FGD5: variants seen among roughly 807,000 people sequenced by gnomAD.
The protein encoded by FGD5 is FYVE, RhoGEF and PH domain-containing protein 5.
A neutral mutation model predicts 133.4 loss-of-function variants in FGD5; 28 were observed. The ratio of observed to expected loss-of-function variants is 0.21; its 90% CI spans 0.16 to 0.29. The LOEUF (loss-of-function observed/expected upper bound fraction) is 0.29. Among genes scored for constraint, FGD5 ranks in the 10% least tolerant of loss-of-function variants. FGD5 has a pLI of 1.00. For synonymous variants in FGD5, 810 were observed against 776.5 expected, an observed-to-expected ratio of 1.04 and a Z score of -0.72; for missense variants, 1,858 against 1,895.2, an observed-to-expected ratio of 0.98 and a Z score of 0.36.
Position 14,934,016 on chromosome 3 carries a change from T to C in FGD5, c.*849T>C, listed in dbSNP as rs2038941413. 2 of 152,278 alleles carry C rather than the reference T, an allele frequency of 1.3e-5. No individual in the cohort carries two copies. Among genetic ancestry groups the C allele is most frequent in the Admixed American group, 1.3e-4 (2 of 15,284 alleles). The allele number at this position is 152,278 out of a possible 1,614,324, so 9.4% of individuals were successfully genotyped here. A position where few individuals can be genotyped will look rare whatever the true frequency, so the allele number is the denominator to read the frequency against. On this transcript the variant is annotated 3_prime_UTR_variant, in exon 20 of 20. Coordinates refer to ENST00000285046, the MANE Select transcript of FGD5 (RefSeq NM_152536.4). ...GCCTCTGAAGAGTCAAGGTCTGCTT[T>C]AATTTATTGTGTGCCTTTCTGTGTT...
upstream of FGD5, among the ~76,000 whole-genome samples, chr3:14,810,694 C>T (rs2125061197): frequency 6.8e-6 from 1 of 146,394 alleles, no homozygotes; most frequent in East Asian, 2.0e-4. Context: ...CCCCACTGCC[C>T]TGCGCGCCGC....
chr3:14,829,198 G>C (rs1433550344), intron 1 of FGD5, among the ~76,000 whole-genome samples: 4 of 152,160 alleles, frequency 2.6e-5, no homozygotes, highest in Admixed American at 2.6e-4. Flanking sequence ...GGAGTGTTCA[G>C]CTGGAGCTTA....
chr3:14,868,637 G>C (rs2037544550), intron 2 of FGD5, among the ~76,000 whole-genome samples: 1 of 152,216 alleles, frequency 6.6e-6, no homozygotes, highest in African/African-American at 2.4e-5. Context: ...GGGCCCCGGG[G>C]AAGGGGCTCT....
intron 6 of FGD5, 150 bp downstream of exon 6, chr3:14,898,245 C>T (rs557478420): frequency 1.0e-5 from 11 of 1,057,634 alleles, no homozygotes; most frequent in Admixed American, 2.3e-5. Flanking sequence ...GAGGATGACC[C>T]ATCAGGGAGG....
At chr3:14,889,385 C>T (rs2037983428) in intron 4 of FGD5, among the ~76,000 whole-genome samples, 1 of 152,180 alleles carries the variant, frequency 6.6e-6, no homozygotes. Flanking sequence ...TTTAGCTCAA[C>T]AGTCTGTGAG....
At chr3:14,898,438 C>T (rs1469756311) in intron 6 of FGD5, among the ~76,000 whole-genome samples, 5 of 152,134 alleles carry the variant, frequency 3.3e-5, no homozygotes, top group Non-Finnish European at 7.4e-5. Flanking sequence ...ATCTAGTTTT[C>T]CTGGGCAGAA....
intron 6 of FGD5, among the ~76,000 whole-genome samples, 199 bp from the exon 7 acceptor site, chr3:14,898,540 A>T (rs1415225520): frequency 1.3e-5 from 2 of 151,894 alleles, no homozygotes; most frequent in Non-Finnish European, 1.5e-5. Context: ...TGGGAGCATG[A>T]TGGAGTGAGC....
intron 1 of FGD5, among the ~76,000 whole-genome samples, chr3:14,827,869 G>C (rs1021627514): frequency 6.6e-6 from 1 of 152,266 alleles, no homozygotes; most frequent in Admixed American, 6.5e-5. Context: ...ACCCGCCCGG[G>C]GCAGCAGCTC....
intron 4 of FGD5, among the ~76,000 whole-genome samples, chr3:14,894,784 A>G (rs2038101466): frequency 6.6e-6 from 1 of 151,094 alleles, no homozygotes; most frequent in South Asian, 2.1e-4. Context: ...GTGTTTTAGG[A>G]ACCTTCATAC....
At chr3:14,870,523 G>T (rs1413570110) in intron 2 of FGD5, among the ~76,000 whole-genome samples, 1 of 152,100 alleles carries the variant, frequency 6.6e-6, no homozygotes, top group Non-Finnish European at 1.5e-5. Context: ...CTCTTCCCTG[G>T]GCTTGCCTGA....
chr3:14,921,619 GCA>G (rs774393976), intron 13 of FGD5, among the ~76,000 whole-genome samples: 1 of 152,170 alleles, frequency 6.6e-6, no homozygotes, highest in Non-Finnish European at 1.5e-5. Context: ...TCTTGCTTTT[GCA>G]CAATGTTGAC....
chr3:14,873,734 C>T (rs28377092), intron 2 of FGD5, among the ~76,000 whole-genome samples: 14,894 of 142,006 alleles, frequency 0.1, 856 homozygotes, highest in East Asian at 0.26. Context: ...TTTTTTTTTT[C>T]TTTTTTTTTT....
intron 1 of FGD5, among the ~76,000 whole-genome samples, chr3:14,822,489 G>GTTT (rs11290454): frequency 4.0e-4 from 57 of 142,366 alleles, no homozygotes; most frequent in African/African-American, 1.4e-3. Flanking sequence ...ATCCAAGCTT[G>GTTT]TTTTTTTTTT....
rs762092474 is a variant in FGD5, at chr3:14,820,074, A to T, written c.1003A>T (p.Met335Leu). 1.9e-6 allele frequency: 3 copies of T among 1,614,012 alleles called. No homozygotes were observed. In the South Asian group the frequency reaches 3.3e-5, roughly 18 times the overall value. Residue 335 changes from methionine (M) to leucine (L), a missense_variant, in exon 1 of 20, where the codon ATG (methionine) becomes TTG (leucine). Coordinates refer to ENST00000285046, the MANE Select transcript of FGD5 (RefSeq NM_152536.4). ...CQIVPFENDC[M>L]EDFVTSLTGS... is the part of the protein sequence containing the mutation. Reference sequence around the variant, plus strand: ...GATTGTCCCTTTTGAGAATGACTGCATGGAGGACTTCGTGACTTCCCTCAC... The same window carrying T: ...GATTGTCCCTTTTGAGAATGACTGCTTGGAGGACTTCGTGACTTCCCTCAC...
chr3:14,915,940 G>A (rs1215535885), intron 11 of FGD5, among the ~76,000 whole-genome samples: 1 of 151,998 alleles, frequency 6.6e-6, no homozygotes, highest in Non-Finnish European at 1.5e-5. Flanking sequence ...GCTGATGTTG[G>A]CATCATTTGT....
intron 9 of FGD5, among the ~76,000 whole-genome samples, chr3:14,904,237 C>T (rs190740716): frequency 2.6e-5 from 4 of 152,222 alleles, no homozygotes; most frequent in African/African-American, 7.2e-5. Context: ...TTCTTAGGAG[C>T]GGGGGGTTAT....
chr3:14,892,550 G>A (rs916264459), intron 4 of FGD5, among the ~76,000 whole-genome samples: 67 of 152,292 alleles, frequency 4.4e-4, no homozygotes, highest in African/African-American at 1.6e-3. Flanking sequence ...GGGCGCGGTG[G>A]CTCATGCCTG....
At position 14,921,934 on chromosome 3, in the gene FGD5, G is replaced by A; in HGVS notation, c.3586G>A (p.Asp1196Asn). 6.4e-7 allele frequency: 1 copy of A among 1,569,172 alleles called. No homozygotes were observed. The highest frequency in any genetic ancestry group is 8.6e-7 in the Non-Finnish European group (1 of 1,156,962). Residue 1196 changes from aspartate to asparagine, a missense_variant, in exon 14 of 20, where the codon GAC becomes AAC. Transcript: ENST00000285046. The part of the protein sequence containing the change: ...MLSASSCAER[D>N]EWYGCLSRAL... ...TGCCCGCAGCTCCTGTGCAGAGAGGGACGAGTGGTATGGCTGTCTGAGCAG... is the reference window on the plus strand; with the variant it reads ...TGCCCGCAGCTCCTGTGCAGAGAGGAACGAGTGGTATGGCTGTCTGAGCAG...
At chr3:14,913,204 A>G (rs1294485869) in intron 11 of FGD5, among the ~76,000 whole-genome samples, 1 of 152,160 alleles carries the variant, frequency 6.6e-6, no homozygotes, top group Admixed American at 6.5e-5. Context: ...GGAAAGTGGA[A>G]AGACTGGGTG....
Sources: allele counts gnomAD v4.1 joint callset (sites outside exome capture counted in the v4.1 genomes callset), GRCh38; gene constraint gnomAD v4.1.1; transcripts MANE v1.5; gene names NCBI Gene and HGNC (gene_info 2026-07-23, HGNC 2026-07-21).